PFKFB3: variants seen among roughly 807,000 people sequenced by gnomAD.
The protein encoded by PFKFB3 is 6-phosphofructo-2-kinase/fructose-2,6-bisphosphatase 3.
In PFKFB3, 33 loss-of-function variants were observed where a neutral mutation model predicts 68.0. The ratio of observed to expected loss-of-function variants is 0.49; its 90% CI spans 0.37 to 0.65. The LOEUF (loss-of-function observed/expected upper bound fraction) is 0.65, where lower values mean the gene tolerates loss of function less well. Ranked by LOEUF, PFKFB3 falls within the 30% of genes least tolerant of loss-of-function variation. The pLI, the probability that PFKFB3 is intolerant of heterozygous loss-of-function variation, is 0.00. For missense variants in PFKFB3, 586 were observed against 712.2 expected, an observed-to-expected ratio of 0.82 and a Z score of 2.02; for synonymous variants, 315 against 288.2, an observed-to-expected ratio of 1.09 and a Z score of -0.94.
At chr10:6,291,365 A>T in the PFKFB3 span, among the ~76,000 whole-genome samples, 1 of 152,200 alleles carries the variant, frequency 6.6e-6, no homozygotes, top group South Asian at 2.1e-4. Flanking sequence ...CAGCCTGGTC[A>T]ACATGGTGAA....
chr10:6,158,732 T>C (rs12572255), intron 1 of PFKFB3, among the ~76,000 whole-genome samples: 36,634 of 151,984 alleles, frequency 0.24, 4,562 homozygotes, highest in Non-Finnish European at 0.27. Context: ...CCAGGCATGA[T>C]GGCATACACC....
At chr10:6,150,211 G>A (rs186116595) in intron 1 of PFKFB3, among the ~76,000 whole-genome samples, 1 of 152,208 alleles carries the variant, frequency 6.6e-6, no homozygotes. Context: ...AGCTATTTGA[G>A]TTACGGTCTA....
chr10:6,276,394 G>GA, the PFKFB3 span, among the ~76,000 whole-genome samples: 22,753 of 140,586 alleles, frequency 0.16, 1,766 homozygotes, highest in East Asian at 0.2. Flanking sequence ...CCATGCTTCA[G>GA]AAAAAAAAAA....
At chr10:6,231,475 C>T (rs1371427826) in intron 14 of PFKFB3, 1 of 985,172 alleles carries the variant, frequency 1.0e-6, no homozygotes, top group East Asian at 1.1e-4. Context: ...TGTCTCTCAC[C>T]CCCCACGTGT....
In PFKFB3 at chr10:6,220,109, C is replaced by T. The variant is rs905630339; in HGVS notation, c.623+416C>T. Among the ~76,000 whole-genome samples the T allele has an allele frequency of 6.6e-6, 1 of 151,462 alleles. No homozygotes were observed. Among genetic ancestry groups the T allele is most frequent in the Non-Finnish European group, 1.5e-5 (1 of 67,956 alleles). On this transcript the variant is annotated intron_variant, in intron 7 of 14. Coordinates refer to ENST00000379775, the MANE Select transcript of PFKFB3 (RefSeq NM_004566.4). This position sits in a 1 kb window ranked among gnomAD's most constrained non-coding sequence, Gnocchi z 4.1. ...TTTATTTACTTACTTACTTGCTTGC[C>T]TGCTTGCTTAGAGACAGGGTCTCCC...
Position 6,214,096 on chromosome 10 carries a change from C to G in PFKFB3, c.202+348C>G, listed in dbSNP as rs55794733. 3.3e-5 allele frequency among the ~76,000 whole-genome samples: 5 copies of G among 152,210 alleles called. No individual in the cohort carries two copies. The East Asian group carries it at 9.6e-4, about 29-fold the overall frequency. ...GCTGATAGCCCTAAGCACTGCCTAC[C>G]GTAGATCAAGGGTCTTCAACCCCCA... On this transcript the variant is annotated intron_variant, in intron 2 of 14. Transcript: ENST00000379775.
the PFKFB3 span, among the ~76,000 whole-genome samples, chr10:6,301,088 T>G: frequency 1.3e-5 from 2 of 152,130 alleles, no homozygotes; most frequent in East Asian, 1.9e-4. Flanking sequence ...ATGGCCAGAC[T>G]TCGTGGGCCA....
At chr10:6,223,492 GTCT>G (rs916015662) in intron 11 of PFKFB3, among the ~76,000 whole-genome samples, 3 of 152,206 alleles carry the variant, frequency 2.0e-5, no homozygotes, top group South Asian at 2.1e-4. Flanking sequence ...TTGGGCTAAA[GTCT>G]TCTTCTGGGG....
chr10:6,183,933 A>G (rs577440978), intron 1 of PFKFB3, among the ~76,000 whole-genome samples: 8 of 149,978 alleles, frequency 5.3e-5, no homozygotes, highest in Non-Finnish European at 7.4e-5. Flanking sequence ...CTCGTGATCC[A>G]CCCGCCTCGC....
chr10:6,216,896 G>A, intron 5 of PFKFB3, 116 bp downstream of exon 5: 1 of 854,630 alleles, frequency 1.2e-6, no homozygotes, highest in South Asian at 1.5e-5. Flanking sequence ...CCTTAGTCCT[G>A]CTCGGTCCCT....
intron 10 of PFKFB3, 87 bp from the exon 11 acceptor site, chr10:6,222,768 T>C: frequency 1.4e-6 from 2 of 1,435,330 alleles, no homozygotes; most frequent in Admixed American, 2.3e-5. Context: ...TGCGTGGCTC[T>C]CTGGCCGGTC....
chr10:6,177,354 CTCTTTCTTTCTTTCTTTCTT>C (rs71294418), intron 1 of PFKFB3, among the ~76,000 whole-genome samples: 89 of 78,018 alleles, frequency 1.1e-3, no homozygotes, highest in Admixed American at 4.8e-3. Context: ...CTTTTCTTTT[CTCTTTCTTTCTTTCTTTCTT>C]TCTTTCTTTC....
At chr10:6,205,330 A>G (rs1843610916) in intron 1 of PFKFB3, among the ~76,000 whole-genome samples, 1 of 148,798 alleles carries the variant, frequency 6.7e-6, no homozygotes, top group Non-Finnish European at 1.5e-5. Flanking sequence ...ATCTTTCCTG[A>G]CACCCTCCCT....
chr10:6,216,245 C>A, intron 4 of PFKFB3, 54 bp downstream of exon 4: 1 of 1,492,968 alleles, frequency 6.7e-7, no homozygotes, highest in Non-Finnish European at 9.3e-7. Flanking sequence ...ATGAGGGTGT[C>A]CTCACCGGCC....
chr10:6,206,760 G>A (rs538942852), intron 1 of PFKFB3, among the ~76,000 whole-genome samples: 59 of 141,932 alleles, frequency 4.2e-4, no homozygotes, highest in African/African-American at 1.4e-3. Flanking sequence ...TCACTTTCCA[G>A]ACTGGGCAGC....
chr10:6,185,147 G>A (rs1457642429), intron 1 of PFKFB3, among the ~76,000 whole-genome samples: 2 of 152,214 alleles, frequency 1.3e-5, no homozygotes, highest in African/African-American at 4.8e-5. Context: ...CACGCCCCAC[G>A]AGGGCCTCTG....
At chr10:6,322,579 C>T in the PFKFB3 span, among the ~76,000 whole-genome samples, 7 of 152,226 alleles carry the variant, frequency 4.6e-5, no homozygotes, top group Non-Finnish European at 1.0e-4. Flanking sequence ...CTTCCCTTAC[C>T]TCCCTCATTA....
At chr10:6,230,519 A>C (rs1407640125) in intron 14 of PFKFB3, among the ~76,000 whole-genome samples, 1 of 152,118 alleles carries the variant, frequency 6.6e-6, no homozygotes, top group African/African-American at 2.4e-5. Context: ...GCCCCTAGGA[A>C]GTGCGTGGGG....
chr10:6,250,117 C>T (rs1378776300), intron 14 of PFKFB3, among the ~76,000 whole-genome samples: 5 of 152,134 alleles, frequency 3.3e-5, no homozygotes, highest in African/African-American at 1.2e-4. Flanking sequence ...ATGTTGGGTG[C>T]TGTGGAAGAG....
Sources: gnomAD v4.1 joint callset for allele counts (sites outside exome capture counted in the v4.1 genomes callset) on GRCh38, gnomAD v4.1.1 for gene constraint, Gnocchi (gnomAD v3.1) non-coding constraint, MANE v1.5 for transcripts, NCBI Gene and HGNC (gene_info 2026-07-23, HGNC 2026-07-21) for gene names.